The following RAPGEF6 variants were observed in gnomAD, a reference collection of about 807,000 sequenced individuals.
The protein encoded by RAPGEF6 is Rap guanine nucleotide exchange factor 6, also known as PDZ domain containing guanine nucleotide exchange factor (GEF) 2.
RAPGEF6 carries 56 observed loss-of-function variants against 171.4 expected under a neutral mutation model. The ratio of observed to expected loss-of-function variants is 0.33; its 90% CI spans 0.26 to 0.41. RAPGEF6 has a LOEUF of 0.41. Ranked by LOEUF, RAPGEF6 falls within the 10% of genes least tolerant of loss-of-function variation. The pLI, the probability that RAPGEF6 is intolerant of heterozygous loss-of-function variation, is 1.00. For missense variants in RAPGEF6, 1,674 were observed against 1,921.4 expected (o/e 0.87, Z 2.41); for synonymous variants, 692 against 650.1 (o/e 1.06, Z -0.98).
chr5:131,507,032 T>A (rs1393091364), intron 9 of RAPGEF6, among the ~76,000 whole-genome samples: 1 of 150,850 alleles, frequency 6.6e-6, no homozygotes, highest in Non-Finnish European at 1.5e-5. Context: ...TCAAAGATAT[T>A]CTATCAAATA....
At chr5:131,609,506 A>C (rs1028861454) in intron 1 of RAPGEF6, among the ~76,000 whole-genome samples, 6 of 152,196 alleles carry the variant, frequency 3.9e-5, no homozygotes, top group Admixed American at 3.3e-4. Flanking sequence ...TGAAGATAAA[A>C]AAGGATATCC....
intron 4 of RAPGEF6, among the ~76,000 whole-genome samples, chr5:131,568,657 T>C (rs1025258607): frequency 6.6e-6 from 1 of 152,178 alleles, no homozygotes; most frequent in African/African-American, 2.4e-5. Context: ...ATCTGTGGGA[T>C]TGCAATATGC....
chr5:131,487,880 C>T (rs970747581), intron 15 of RAPGEF6, among the ~76,000 whole-genome samples: 33 of 152,316 alleles, frequency 2.2e-4, no homozygotes, highest in Admixed American at 7.8e-4. Context: ...ATCACCACAT[C>T]TAGAGTAAAA....
At chr5:131,586,544 T>A (rs898083553) in intron 4 of RAPGEF6, among the ~76,000 whole-genome samples, 1 of 152,020 alleles carries the variant, frequency 6.6e-6, no homozygotes, top group Non-Finnish European at 1.5e-5. Context: ...GGCAGGAGAA[T>A]TGCTTGAACC....
In RAPGEF6 at chr5:131,569,500, A is replaced by G. The variant is rs115714888; in HGVS notation, c.282-7453T>C. 6.6e-3 allele frequency among the ~76,000 whole-genome samples: 1,010 copies of G among 152,342 alleles called. 5 individuals are homozygous for G. Among genetic ancestry groups the G allele is most frequent in the Non-Finnish European group, 0.011 (739 of 68,020 alleles). ...CTTTTCAATAAACCATGCTAGGTAAAATGAATATGCAAATATCCATATGCA... is the reference window on the plus strand; with the variant it reads ...CTTTTCAATAAACCATGCTAGGTAAGATGAATATGCAAATATCCATATGCA... On this transcript the variant is annotated intron_variant, in intron 4 of 27. Transcript: ENST00000509018.
chr5:131,572,007 C>G (rs905376974), intron 4 of RAPGEF6, among the ~76,000 whole-genome samples: 1 of 152,144 alleles, frequency 6.6e-6, no homozygotes, highest in African/African-American at 2.4e-5. Context: ...GCTCCTAACA[C>G]CACCGCCTAT....
At chr5:131,586,193 G>C (rs571219593) in intron 4 of RAPGEF6, among the ~76,000 whole-genome samples, 1 of 152,324 alleles carries the variant, frequency 6.6e-6, no homozygotes, top group South Asian at 2.1e-4. Flanking sequence ...GTTACTAACA[G>C]AATGAATACG....
intron 20 of RAPGEF6, among the ~76,000 whole-genome samples, chr5:131,453,628 CCAAA>C (rs1561476784): frequency 6.6e-6 from 1 of 152,020 alleles, no homozygotes; most frequent in Non-Finnish European, 1.5e-5. Flanking sequence ...AACAAAAATC[CCAAA>C]CAAAGGGCAA....
intron 4 of RAPGEF6, 63 bp from the exon 5 acceptor site, chr5:131,562,110 A>T: frequency 8.9e-7 from 1 of 1,122,102 alleles, no homozygotes; most frequent in Non-Finnish European, 1.3e-6. Context: ...CAATATAGGA[A>T]AAGAAAACAA....
chr5:131,517,922 T>C (rs1359121986), intron 7 of RAPGEF6, among the ~76,000 whole-genome samples: 1 of 152,148 alleles, frequency 6.6e-6, no homozygotes, highest in Non-Finnish European at 1.5e-5. Context: ...TCTGTGTTTA[T>C]TCCTTTTACT....
At chr5:131,474,465 T>C (rs1754963908) in intron 16 of RAPGEF6, among the ~76,000 whole-genome samples, 1 of 151,858 alleles carries the variant, frequency 6.6e-6, no homozygotes. Context: ...TAAATAAAAA[T>C]AAAATGAGAA....
intron 1 of RAPGEF6, among the ~76,000 whole-genome samples, chr5:131,606,029 C>CAAAAAAA (rs1168486376): frequency 4.5e-4 from 32 of 70,534 alleles, no homozygotes; most frequent in African/African-American, 1.2e-3. Context: ...GACTCCATCT[C>CAAAAAAA]AAAAAAAAAA....
At chr5:131,612,940 A>G (rs1338344783) in intron 1 of RAPGEF6, among the ~76,000 whole-genome samples, 1 of 152,214 alleles carries the variant, frequency 6.6e-6, no homozygotes, top group Non-Finnish European at 1.5e-5. Flanking sequence ...ATGTATCTTC[A>G]GTTCTCTGCC....
chr5:131,527,703 T>G (rs988407776), intron 6 of RAPGEF6, among the ~76,000 whole-genome samples: 1 of 152,052 alleles, frequency 6.6e-6, no homozygotes, highest in African/African-American at 2.4e-5. Flanking sequence ...AAATTAAAAG[T>G]AAGCCACCAG....
chr5:131,482,437 G>C (rs1418244851), intron 15 of RAPGEF6, among the ~76,000 whole-genome samples: 1 of 152,062 alleles, frequency 6.6e-6, no homozygotes, highest in Admixed American at 6.5e-5. Flanking sequence ...TGGGTAGCTG[G>C]GATGACAGGC....
At position 131,495,680 on chromosome 5, in the gene RAPGEF6, G is replaced by T. The variant is rs749539686; in HGVS notation, c.1420-20C>A. On this transcript the variant is annotated intron_variant, in intron 12 of 27. Coordinates refer to ENST00000509018, the MANE Select transcript of RAPGEF6 (RefSeq NM_016340.6). ...TGTCACCTGTGGAAACATAAAAGAG[G>T]CAGCATATGGTTATAAGAGGCATTC... 1 of 1,602,498 alleles carries T rather than the reference G, an allele frequency of 6.2e-7. No homozygotes were observed. Among genetic ancestry groups the T allele is most frequent in the South Asian group, 1.1e-5 (1 of 89,528 alleles).
chr5:131,440,150 G>C, intron 23 of RAPGEF6: 1 of 448,398 alleles, frequency 2.2e-6, no homozygotes, highest in South Asian at 1.6e-5. Flanking sequence ...CACTACCTGT[G>C]GTGCATCTGT....
chr5:131,457,778 C>A (rs1753619578), intron 19 of RAPGEF6, among the ~76,000 whole-genome samples: 1 of 152,056 alleles, frequency 6.6e-6, no homozygotes, highest in African/African-American at 2.4e-5. Flanking sequence ...GGAACGAATG[C>A]CCCACAGATA....
intron 6 of RAPGEF6, among the ~76,000 whole-genome samples, chr5:131,523,836 C>T (rs1487137092): frequency 2.0e-5 from 3 of 151,938 alleles, no homozygotes; most frequent in Admixed American, 2.0e-4. Context: ...AACAAACAAT[C>T]CCCCCATACC....
Sources: gnomAD v4.1 joint callset for allele counts (sites outside exome capture counted in the v4.1 genomes callset) on GRCh38, gnomAD v4.1.1 for gene constraint, MANE v1.5 for transcripts, NCBI Gene and HGNC (gene_info 2026-07-23, HGNC 2026-07-21) for gene names.